HMCN1: variants seen among roughly 807,000 people sequenced by gnomAD.
HMCN1 encodes hemicentin 1.
HMCN1 carries 321 observed loss-of-function variants against 625.9 expected under a neutral mutation model. That is an observed-to-expected ratio of 0.51 (90% confidence interval 0.47 to 0.56). The LOEUF (loss-of-function observed/expected upper bound fraction) is 0.56. Ranked by LOEUF, HMCN1 falls within the 20% of genes least tolerant of loss-of-function variation. HMCN1 has a pLI of 0.00. For missense variants in HMCN1, 6,588 were observed against 6,887.3 expected (o/e 0.96, Z 1.54); for synonymous variants, 2,425 against 2,417.6 (o/e 1.00, Z -0.09).
chr1:186,003,558 G>C (rs1653334240), intron 28 of HMCN1, among the ~76,000 whole-genome samples, 160 bp from the exon 29 acceptor site: 1 of 151,906 alleles, frequency 6.6e-6, no homozygotes, highest in African/African-American at 2.4e-5. Flanking sequence ...TTAACATTTG[G>C]GTACACAGAA....
At chr1:186,039,930 A>G (rs774310949) in intron 39 of HMCN1, 51 bp downstream of exon 39, 14 of 1,543,582 alleles carry the variant, frequency 9.1e-6, no homozygotes, top group Non-Finnish European at 1.2e-5. Context: ...TATTCAGTAC[A>G]GGAAGTACAC....
chr1:185,876,058 G>A (rs948147931), intron 4 of HMCN1, among the ~76,000 whole-genome samples: 3 of 151,602 alleles, frequency 2.0e-5, no homozygotes, highest in African/African-American at 4.8e-5. Flanking sequence ...TTCAACCCTC[G>A]CCACCACCCT....
intron 4 of HMCN1, among the ~76,000 whole-genome samples, chr1:185,878,841 G>A (rs563953450): frequency 1.6e-4 from 24 of 152,158 alleles, no homozygotes; most frequent in African/African-American, 4.3e-4. Context: ...TACTCTGTGC[G>A]GATGATGTCC....
rs1571397623 is a variant in HMCN1, at chr1:186,132,544, G to A, written c.13312+135G>A. ...AGTGTGTCTAATTTAGTTTTCTGCT[G>A]CTGATGGAGCAGTTGTCATCAAACA... is the stretch of plus-strand genomic sequence containing the variant. On this transcript the variant is annotated intron_variant, in intron 86 of 106. Transcript: ENST00000271588. The A allele has an allele frequency of 1.4e-5, 10 of 718,154 alleles. No homozygotes were observed. In the East Asian group the frequency reaches 2.7e-4, roughly 19 times the overall value. 44.5% of individuals were successfully genotyped at this position (718,154 alleles called of 1,614,324 possible). A position where few individuals can be genotyped will look rare whatever the true frequency, so the allele number is the denominator to read the frequency against.
chr1:185,919,576 G>T (rs1458438068), intron 6 of HMCN1, among the ~76,000 whole-genome samples: 1 of 152,080 alleles, frequency 6.6e-6, no homozygotes, highest in African/African-American at 2.4e-5. Context: ...CTTTCCTCTG[G>T]ATAGTCCCAG....
At chr1:185,784,202 A>G (rs1657385955) in intron 1 of HMCN1, among the ~76,000 whole-genome samples, 1 of 152,196 alleles carries the variant, frequency 6.6e-6, no homozygotes, top group Admixed American at 6.5e-5. Flanking sequence ...ACCATTGGAA[A>G]AGCGCAGTAT....
chr1:185,980,667 C>T (rs1033943176), intron 16 of HMCN1, among the ~76,000 whole-genome samples: 6 of 152,192 alleles, frequency 3.9e-5, no homozygotes, highest in Non-Finnish European at 8.8e-5. Flanking sequence ...TCTAGTCATG[C>T]TCTTGCCTTT....
At chr1:185,901,490 A>G (rs752646653) in intron 4 of HMCN1, among the ~76,000 whole-genome samples, 5 of 151,788 alleles carry the variant, frequency 3.3e-5, no homozygotes, top group Non-Finnish European at 5.9e-5. Context: ...TGAGTTTTAT[A>G]CTTACTAGAA....
Position 185,987,424 on chromosome 1 carries a change from C to G in HMCN1, c.2936-8C>G, listed in dbSNP as rs368045742. 90 of 1,584,240 alleles carry G rather than the reference C, an allele frequency of 5.7e-5. No homozygotes were observed. The highest frequency in any genetic ancestry group is 7.6e-5 in the Non-Finnish European group (88 of 1,153,002). ...TGCTCAGATTCCAAATCCTACTTACCTTTTCAGTTCTGCCAACCATTCAGC... is the reference window on the plus strand; with the variant it reads ...TGCTCAGATTCCAAATCCTACTTACGTTTTCAGTTCTGCCAACCATTCAGC... On this transcript the variant is annotated splice_polypyrimidine_tract_variant and splice_region_variant and intron_variant, in intron 19 of 106. Coordinates refer to ENST00000271588, the MANE Select transcript of HMCN1 (RefSeq NM_031935.3).
At chr1:186,091,993 G>A (rs1272592622) in intron 64 of HMCN1, among the ~76,000 whole-genome samples, 1 of 151,642 alleles carries the variant, frequency 6.6e-6, no homozygotes, top group African/African-American at 2.4e-5. Context: ...TAAATCAGCT[G>A]GTATTTGCCA....
intron 45 of HMCN1, among the ~76,000 whole-genome samples, chr1:186,056,691 C>T (rs1376301465): frequency 6.6e-6 from 1 of 151,756 alleles, no homozygotes; most frequent in East Asian, 1.9e-4. Flanking sequence ...GGGAACTAAA[C>T]ATTGGGTACT....
intron 71 of HMCN1, among the ~76,000 whole-genome samples, chr1:186,110,884 T>A (rs1660841011): frequency 6.6e-6 from 1 of 150,982 alleles, no homozygotes; most frequent in Non-Finnish European, 1.5e-5. Flanking sequence ...GAACAGGAAG[T>A]GAGATTATCA....
At chr1:186,148,935 C>CTTTTTTT (rs57126500) in intron 93 of HMCN1, among the ~76,000 whole-genome samples, 4 of 143,302 alleles carry the variant, frequency 2.8e-5, no homozygotes, top group Non-Finnish European at 4.6e-5. Context: ...TGAAAGGAAT[C>CTTTTTTT]TTTTTTTTTT....
chr1:186,148,864 C>A (rs1650491784), intron 93 of HMCN1, among the ~76,000 whole-genome samples: 1 of 152,132 alleles, frequency 6.6e-6, no homozygotes. Flanking sequence ...CATTTATCTC[C>A]TTGTACATCT....
chr1:186,030,562 T>A (rs1162523037), intron 36 of HMCN1, among the ~76,000 whole-genome samples: 1 of 152,020 alleles, frequency 6.6e-6, no homozygotes, highest in Admixed American at 6.6e-5. Context: ...TTACTTTCAA[T>A]GTATTTGTCT....
chr1:186,037,838 AAG>A (rs1655937759), intron 36 of HMCN1, 94 bp from the exon 37 acceptor site: 1 of 770,210 alleles, frequency 1.3e-6, no homozygotes, highest in South Asian at 1.5e-5. Context: ...TGAAAAAAAG[AAG>A]AGAGGAAGAA....
chr1:185,962,401 C>T, intron 11 of HMCN1, 117 bp from the exon 12 acceptor site: 1 of 812,880 alleles, frequency 1.2e-6, no homozygotes, highest in African/African-American at 1.7e-5. Flanking sequence ...GGGGTTCATC[C>T]ATAGAGGAAG....
chr1:186,112,449 C>T (rs1387752075), intron 71 of HMCN1, among the ~76,000 whole-genome samples: 1 of 152,194 alleles, frequency 6.6e-6, no homozygotes, highest in Non-Finnish European at 1.5e-5. Context: ...GATAAGACTG[C>T]CACTAGGCTT....
chr1:185,800,533 T>C (rs1440112467), intron 1 of HMCN1, among the ~76,000 whole-genome samples: 4 of 152,106 alleles, frequency 2.6e-5, no homozygotes, highest in Non-Finnish European at 5.9e-5. Flanking sequence ...TAATATTTTA[T>C]TTTACAGGTT....
Sources: gnomAD v4.1 joint callset for allele counts (sites outside exome capture counted in the v4.1 genomes callset) on GRCh38, gnomAD v4.1.1 for gene constraint, MANE v1.5 for transcripts, NCBI Gene and HGNC (gene_info 2026-07-23, HGNC 2026-07-21) for gene names.